The following ESR1 variants were observed in gnomAD, a reference collection of about 807,000 sequenced individuals.
ESR1 encodes the protein estrogen receptor 1.
In ESR1, 12 loss-of-function variants were observed where a neutral mutation model predicts 52.7. That is an observed-to-expected ratio of 0.23 (90% CI 0.15 to 0.37). The LOEUF is 0.37. Ranked by LOEUF, ESR1 falls within the 10% of genes least tolerant of loss-of-function variation. The pLI, the probability that ESR1 is intolerant of heterozygous loss-of-function variation, is 1.00. For synonymous variants in ESR1, 305 were observed against 316.8 expected (o/e 0.96, Z 0.39); for missense variants, 584 against 779.7 (o/e 0.75, Z 2.99).
At chr6:152,095,243 C>T (rs770915789) in intron 7 of ESR1, among the ~76,000 whole-genome samples, 1 of 152,092 alleles carries the variant, frequency 6.6e-6, no homozygotes, top group Non-Finnish European at 1.5e-5. Context: ...AAATATAAAC[C>T]CTTTCACTTT....
chr6:152,062,449 G>T (rs2047622616), intron 6 of ESR1, among the ~76,000 whole-genome samples: 1 of 152,152 alleles, frequency 6.6e-6, no homozygotes, highest in African/African-American at 2.4e-5. Flanking sequence ...ATTACACTAG[G>T]CAAGGACTGA....
At chr6:151,941,192 C>T (rs568489022) in intron 3 of ESR1, among the ~76,000 whole-genome samples, 14 of 152,290 alleles carry the variant, frequency 9.2e-5, no homozygotes, top group Admixed American at 2.6e-4. Context: ...AACAATATCA[C>T]CTTCTAACCA....
At chr6:151,766,391 G>A (rs533267364) in intron 2 of ESR1, among the ~76,000 whole-genome samples, 2 of 152,134 alleles carry the variant, frequency 1.3e-5, no homozygotes, top group South Asian at 2.1e-4. Context: ...TGAGATAGGA[G>A]GATTGCTTGA....
At chr6:152,017,640 T>G (rs1234176464) in intron 5 of ESR1, among the ~76,000 whole-genome samples, 5 of 152,090 alleles carry the variant, frequency 3.3e-5, no homozygotes, top group African/African-American at 1.2e-4. Context: ...CTACTAGGAA[T>G]GCCTCTCTTC....
At chr6:152,121,666 GA>G (rs59635964) in intron 6 of ESR1, 35,236 of 151,922 alleles carry the variant, frequency 0.23, 4,214 homozygotes, top group African/African-American at 0.3. Context: ...TTTGTTTAGG[GA>G]AAAAAAAGCA....
At chr6:151,735,409 A>G (rs1782569567) in intron 2 of ESR1, among the ~76,000 whole-genome samples, 2 of 152,188 alleles carry the variant, frequency 1.3e-5, no homozygotes, top group Non-Finnish European at 2.9e-5. Context: ...TCCCTGAAAC[A>G]TTTTTTGTTG....
intron 4 of ESR1, among the ~76,000 whole-genome samples, chr6:151,954,206 C>T (rs931502542): frequency 1.3e-5 from 2 of 152,154 alleles, no homozygotes; most frequent in Non-Finnish European, 2.9e-5. Context: ...CTGTTCCATG[C>T]AGTTTGCTCA....
At position 151,724,587 on chromosome 6, in the gene ESR1, TACACAC is replaced by T. The variant is rs67896661; in HGVS notation, c.-71+22597_-71+22602del. 1.4e-3 allele frequency among the ~76,000 whole-genome samples: 210 copies of T among 149,806 alleles called. 1 individual carries two copies. Among genetic ancestry groups the T allele is most frequent in the Non-Finnish European group, 3.9e-4 (26 of 67,240 alleles). ...ACACCCAAACAATCACACACACACA[TACACAC>T]ACACACACACACACTTACTTCACTT... On this transcript the variant is annotated intron_variant, in intron 2 of 2. Transcript: ENST00000404742.
chr6:151,796,476 C>A (rs1369877695), intron 2 of ESR1, among the ~76,000 whole-genome samples: 2 of 152,096 alleles, frequency 1.3e-5, no homozygotes, highest in African/African-American at 4.8e-5. Context: ...TTGAAAATAT[C>A]TTTTCAAGTT....
At chr6:152,107,433 T>G (rs1384407976), downstream of ESR1, among the ~76,000 whole-genome samples, 1 of 152,252 alleles carries the variant, frequency 6.6e-6, no homozygotes, top group Non-Finnish European at 1.5e-5. Flanking sequence ...ATATTTCAAC[T>G]ACAGAATAAA....
chr6:152,054,761 G>T (rs2046967396), intron 5 of ESR1, among the ~76,000 whole-genome samples: 1 of 151,982 alleles, frequency 6.6e-6, no homozygotes, highest in Non-Finnish European at 1.5e-5. Flanking sequence ...CCACCTCTTG[G>T]CCTTTCCAGT....
chr6:151,725,939 C>G (rs907949397), intron 2 of ESR1, among the ~76,000 whole-genome samples: 1 of 152,038 alleles, frequency 6.6e-6, no homozygotes, highest in Non-Finnish European at 1.5e-5. Context: ...CTGAGTTGCA[C>G]AGGAAGAACT....
At chr6:151,802,025 A>G (rs113371069), upstream of ESR1, among the ~76,000 whole-genome samples, 74 of 152,340 alleles carry the variant, frequency 4.9e-4, 1 homozygote, top group African/African-American at 1.6e-3. Context: ...ATGGGACACA[A>G]AGGGAAATTT....
chr6:151,842,782 T>C lies in ESR1; in HGVS notation c.638T>C (p.Ile213Thr). ...TGCAAGGCCTTCTTCAAGAGAAGTA[T>C]TCAAGGTAATAGTGTGTTGAAAACG... is the stretch of plus-strand genomic sequence containing the variant. ...EGCKAFFKRS[I>T]QGHNDYMCPA... The change falls in exon 2 of 8, where the codon ATT becomes ACT. Residue 213 changes from isoleucine (I) to threonine (T), a missense_variant. Physicochemically the swap from Ile to Thr is moderately conservative, Grantham distance 89 (BLOSUM62 -1). Around this residue, in one of 6 missense-constraint regions of ESR1, gnomAD observed 25 missense variants for 53.0 expected, o/e 0.47. Coordinates refer to ENST00000206249, the MANE Select transcript of ESR1 (RefSeq NM_000125.4). 1 of 1,613,744 alleles carries C rather than the reference T, an allele frequency of 6.2e-7. No homozygotes were observed. Among genetic ancestry groups the C allele is most frequent in the Non-Finnish European group, 8.5e-7 (1 of 1,179,730 alleles).
In ESR1 at chr6:151,712,533, GT is replaced by G. The variant is rs1468305022; in HGVS notation, c.-71+10530del. Among the ~76,000 whole-genome samples the G allele has an allele frequency of 9.5e-4, 144 of 152,170 alleles. 2 individuals carry two copies. The highest frequency in any genetic ancestry group is 2.1e-4 in the Non-Finnish European group (14 of 68,010). ...GTTTTTCCTTGAGCAGTGGTTTGTA[GT>G]TCTCCTTGAAGAGGTCCTTCACTTC... On this transcript the variant is annotated intron_variant, in intron 2 of 2. Transcript: ENST00000404742.
At chr6:151,933,753 C>T (rs918855462) in intron 3 of ESR1, among the ~76,000 whole-genome samples, 1 of 152,172 alleles carries the variant, frequency 6.6e-6, no homozygotes, top group South Asian at 2.1e-4. Flanking sequence ...AATTCCTAAT[C>T]ACAATTGTTT....
At position 151,665,441 on chromosome 6, in the gene ESR1, T is replaced by A. The variant is rs139412639; in HGVS notation, n.73+8678T>A. ...TTAAAGAGACAATGCAGTTAGAGGA[T>A]CGTGATCTCTGAACTCAGAAGCCCA... On this transcript the variant is annotated intron_variant and non_coding_transcript_variant, in intron 1 of 2. Coordinates refer to the ESR1 transcript ENST00000473497. Among the ~76,000 whole-genome samples the A allele has an allele frequency of 1.1e-4, 16 of 152,294 alleles. No homozygotes were observed. The East Asian group carries it at 2.5e-3, about 24-fold the overall frequency.
intron 5 of ESR1, among the ~76,000 whole-genome samples, chr6:152,037,894 G>T (rs1421779037): frequency 2.0e-5 from 3 of 152,072 alleles, no homozygotes; most frequent in Non-Finnish European, 2.9e-5. Context: ...ACTTTCCTAG[G>T]TGTATTAGGG....
chr6:152,035,792 G>A lies in ESR1; in HGVS notation c.1235+23998G>A, dbSNP rs188034118. 6.6e-5 allele frequency among the ~76,000 whole-genome samples: 10 copies of A among 152,158 alleles called. No homozygotes were observed. In the East Asian group the frequency reaches 7.7e-4, roughly 12 times the overall value. On this transcript the variant is annotated intron_variant, in intron 5 of 7. Coordinates refer to ENST00000206249, the MANE Select transcript of ESR1 (RefSeq NM_000125.4). The stretch of plus-strand genomic sequence containing the variant: ...ATGAAAAACTGACCTATATCAGAAC[G>A]AGCATTGAGACTACAGGAGAACAGA...
Sources: gnomAD v4.1 joint callset for allele counts (sites outside exome capture counted in the v4.1 genomes callset) on GRCh38, gnomAD v4.1.1 for gene constraint, gnomAD v4.1.1 regional missense constraint, MANE v1.5 for transcripts, NCBI Gene and HGNC (gene_info 2026-07-23, HGNC 2026-07-21) for gene names.